The following TMEM63B variants were observed in gnomAD, a reference collection of about 807,000 sequenced individuals.
TMEM63B encodes the protein transmembrane protein 63B.
A neutral mutation model predicts 102.6 loss-of-function variants in TMEM63B; 23 were observed. The ratio of observed to expected loss-of-function variants is 0.22; its 90% CI spans 0.16 to 0.32. The LOEUF (loss-of-function observed/expected upper bound fraction) is 0.32. Among genes scored for constraint, TMEM63B ranks in the 10% least tolerant of loss-of-function variants. The pLI, the probability that TMEM63B is intolerant of heterozygous loss-of-function variation, is 1.00. For synonymous variants in TMEM63B, 444 were observed against 437.0 expected (o/e 1.02, Z -0.20); for missense variants, 628 against 1,095.9 (o/e 0.57, Z 6.03).
chr6:44,146,609 C>T (rs1765467995), intron 10 of TMEM63B, among the ~76,000 whole-genome samples: 1 of 151,956 alleles, frequency 6.6e-6, no homozygotes, highest in African/African-American at 2.4e-5. Context: ...TGCCACCATG[C>T]CCAGCTAATT....
At chr6:44,127,820 A>T (rs2128209943) in intron 1 of TMEM63B, 142 bp downstream of exon 1, 1 of 150,442 alleles carries the variant, frequency 6.6e-6, no homozygotes, top group Admixed American at 6.6e-5. Context: ...CGCGGGACCC[A>T]GGGGTGGCGC....
At chr6:44,131,093 T>A (rs1778179204) in intron 1 of TMEM63B, among the ~76,000 whole-genome samples, 1 of 151,616 alleles carries the variant, frequency 6.6e-6, no homozygotes, top group Non-Finnish European at 1.5e-5. Context: ...AATTTTTGTA[T>A]TTTTTTAGTA....
Position 44,151,830 on chromosome 6 carries a change from C to T in TMEM63B, c.1674-16C>T, listed in dbSNP as rs778118813. ...TCACCCCAAGGGTGCAGTGCTGGAG[C>T]ACCTGGTGCCCGCAGGTGTGTGTTC... On this transcript the variant is annotated splice_polypyrimidine_tract_variant and intron_variant, in intron 18 of 23. Transcript: ENST00000323267. The T allele has an allele frequency of 1.3e-6, 2 of 1,598,068 alleles. No individual in the cohort carries two copies. Among genetic ancestry groups the T allele is most frequent in the South Asian group, 2.2e-5 (2 of 89,208 alleles).
chr6:44,128,959 C>T (rs1391571425), intron 1 of TMEM63B, among the ~76,000 whole-genome samples: 4 of 152,196 alleles, frequency 2.6e-5, no homozygotes, highest in Non-Finnish European at 4.4e-5. Flanking sequence ...AACTAAGAAC[C>T]CCCTTGGACA....
intron 4 of TMEM63B, among the ~76,000 whole-genome samples, chr6:44,136,148 T>C (rs1411956466): frequency 6.6e-6 from 1 of 152,062 alleles, no homozygotes; most frequent in East Asian, 1.9e-4. Flanking sequence ...CCACCTCCGC[T>C]CCCACCCTGA....
At chr6:44,139,363 G>T in intron 6 of TMEM63B, 104 bp from the exon 7 acceptor site, 1 of 1,419,578 alleles carries the variant, frequency 7.0e-7, no homozygotes, top group East Asian at 2.3e-5. Flanking sequence ...ATCAGCTGGA[G>T]CTAGGGTGGG....
intron 4 of TMEM63B, 74 bp from the exon 5 acceptor site, chr6:44,136,275 T>C (rs1762927947): frequency 2.4e-6 from 3 of 1,255,518 alleles, no homozygotes. Context: ...CCTGGAGCTC[T>C]GGAGCACTCA....
chr6:44,149,112 C>T (rs1170617910), intron 15 of TMEM63B, 167 bp downstream of exon 15: 13 of 999,012 alleles, frequency 1.3e-5, no homozygotes, highest in Non-Finnish European at 1.9e-5. Context: ...GGCTCCCTGC[C>T]ACCTTCCCCC....
At chr6:44,141,733 G>A (rs1764305340) in intron 10 of TMEM63B, among the ~76,000 whole-genome samples, 1 of 152,178 alleles carries the variant, frequency 6.6e-6, no homozygotes, top group African/African-American at 2.4e-5. Flanking sequence ...CTATACCACA[G>A]GATTAGGGCT....
chr6:44,150,303 C>T lies in TMEM63B; in HGVS notation c.1600C>T (p.Leu534=). The T allele has an allele frequency of 6.2e-7, 1 of 1,614,024 alleles. No homozygotes were observed. Among genetic ancestry groups the T allele is most frequent in the East Asian group, 2.2e-5 (1 of 44,888 alleles). ...FMVLLLPSLG[L]SSLDLFFRWL... ...GGTGCTGCTCCTACCCTCGCTGGGACTGAGCAGGTGAGTTGAGAAGGATGG... is the reference window on the plus strand; with the variant it reads ...GGTGCTGCTCCTACCCTCGCTGGGATTGAGCAGGTGAGTTGAGAAGGATGG... The change falls in exon 17 of 24, where the codon CTG becomes TTG. Residue 534 remains leucine, a synonymous_variant. Coordinates refer to ENST00000323267, the MANE Select transcript of TMEM63B (RefSeq NM_018426.3). The surrounding 1 kb of genome is among the most constrained non-coding windows in gnomAD (Gnocchi z 4.7).
At chr6:44,132,428 T>C in intron 1 of TMEM63B, 1 of 701,066 alleles carries the variant, frequency 1.4e-6, no homozygotes, top group Non-Finnish European at 1.8e-6. Flanking sequence ...TGGGGCTTGT[T>C]CTCATTTCAT....
Position 44,150,142 on chromosome 6 carries a change from T to G in TMEM63B, c.1521-82T>G. On this transcript the variant is annotated intron_variant, in intron 16 of 23. Transcript: ENST00000323267. This position sits in a 1 kb window ranked among gnomAD's most constrained non-coding sequence, Gnocchi z 4.7. ...GCCCACCCTTCCCAGGGGACACTCC[T>G]TGGACATTGTCCTTGTTGGGGGAGC... 6.8e-7 allele frequency: 1 copy of G among 1,465,334 alleles called. No homozygotes were observed. Among genetic ancestry groups the G allele is most frequent in the East Asian group, 2.3e-5 (1 of 43,922 alleles). 90.8% of individuals were successfully genotyped at this position (1,465,334 alleles called of 1,614,324 possible).
chr6:44,139,452 C>T lies in TMEM63B; in HGVS notation c.408-15C>T, dbSNP rs35174285. ...GTCCTAACCTAATTCCTTTGTCCAA[C>T]CCGTATGGCTGCAGGGATGATGAGA... On this transcript the variant is annotated splice_polypyrimidine_tract_variant and intron_variant, in intron 6 of 23. Coordinates refer to ENST00000323267, the MANE Select transcript of TMEM63B (RefSeq NM_018426.3). The T allele has an allele frequency of 0.049, 79,055 of 1,613,768 alleles. 4,142 individuals carry two copies. Among genetic ancestry groups the T allele is most frequent in the East Asian group, 0.26 (11,664 of 44,858 alleles).
At chr6:44,151,804 G>C in intron 18 of TMEM63B, 42 bp from the exon 19 acceptor site, 4 of 1,539,248 alleles carry the variant, frequency 2.6e-6, no homozygotes, top group Non-Finnish European at 3.5e-6. Context: ...CGGCCACCGG[G>C]TCACCCCAAG....
rs764913180 is a variant in TMEM63B at position 44,150,183 on chromosome 6, G to A, written c.1521-41G>A. ...TTGGGGGAGCAAGTCTGGGGCCTGG[G>A]CTCACTTGACCTGTACCGTTCCCTG... On this transcript the variant is annotated intron_variant, in intron 16 of 23. Coordinates refer to ENST00000323267, the MANE Select transcript of TMEM63B (RefSeq NM_018426.3). This position sits in a 1 kb window ranked among gnomAD's most constrained non-coding sequence, Gnocchi z 4.7. 5.1e-6 allele frequency: 8 copies of A among 1,582,660 alleles called. No individual in the cohort carries two copies. Among genetic ancestry groups the A allele is most frequent in the Admixed American group, 3.3e-5 (2 of 59,850 alleles).
At chr6:44,138,401 A>G (rs1763440251) in intron 5 of TMEM63B, 79 bp from the exon 6 acceptor site, 1 of 1,579,622 alleles carries the variant, frequency 6.3e-7, no homozygotes, top group Admixed American at 1.7e-5. Context: ...TAATTATGAG[A>G]ATGGGTGGGA....
Position 44,148,555 on chromosome 6 carries a change from C to G in TMEM63B, c.1164C>G (p.Thr388=). The G allele has an allele frequency of 6.2e-7, 1 of 1,614,228 alleles. No homozygotes were observed. Among genetic ancestry groups the G allele is most frequent in the Non-Finnish European group, 8.5e-7 (1 of 1,180,044 alleles). The change falls in exon 14 of 24, where the codon ACC becomes ACG. Residue 388 remains threonine, a synonymous_variant. Transcript: ENST00000323267. The surrounding 1 kb of genome is among the most constrained non-coding windows in gnomAD (Gnocchi z 5.1). ...ACGTGTGTAAATGCCAGGGCTGCAC[C>G]TGCCGTGGGGAGCCACGCCCCTCAT... The part of the protein sequence containing the change: ...DFNVCKCQGC[T]CRGEPRPSSC...
intron 1 of TMEM63B, 56 bp downstream of exon 1, chr6:44,127,734 A>C (rs1383988778): frequency 6.9e-6 from 1 of 145,906 alleles, no homozygotes; most frequent in Non-Finnish European, 1.5e-5. Context: ...TCCCACCACC[A>C]CCCAAAGAAA....
At chr6:44,142,837 T>C (rs1764571742) in intron 10 of TMEM63B, among the ~76,000 whole-genome samples, 1 of 151,966 alleles carries the variant, frequency 6.6e-6, no homozygotes, top group Non-Finnish European at 1.5e-5. Context: ...ATGTCGAAAC[T>C]CCATCTCTAC....
Sources: gnomAD v4.1 joint callset for allele counts (sites outside exome capture counted in the v4.1 genomes callset) on GRCh38, gnomAD v4.1.1 for gene constraint, Gnocchi (gnomAD v3.1) non-coding constraint, MANE v1.5 for transcripts, NCBI Gene and HGNC (gene_info 2026-07-23, HGNC 2026-07-21) for gene names.